EGR3: variants seen among roughly 807,000 people sequenced by gnomAD.
EGR3 encodes early growth response protein 3.
A neutral mutation model predicts 22.4 loss-of-function variants in EGR3; 4 were observed. The ratio of observed to expected loss-of-function variants is 0.18; its 90% CI spans 0.09 to 0.41. EGR3 has a LOEUF of 0.41. EGR3 is among the 10% of genes least tolerant of loss of function. The pLI is 1.00. For synonymous variants in EGR3, 219 were observed against 226.8 expected (o/e 0.97, Z 0.31); for missense variants, 315 against 541.3 (o/e 0.58, Z 4.15).
At position 22,692,258 on chromosome 8, in the gene EGR3, C is replaced by T. The variant is rs1282795859; in HGVS notation, c.154+533G>A. Reference sequence around the variant, plus strand: ...TCCTTCTCCCCGCCGTCCCCACACCCCCACGGCTTTGCTGAACGCCCCGGA... The same window carrying T: ...TCCTTCTCCCCGCCGTCCCCACACCTCCACGGCTTTGCTGAACGCCCCGGA... On this transcript the variant is annotated intron_variant, in intron 1 of 1. Transcript: ENST00000317216. The surrounding 1 kb of genome is among the most constrained non-coding windows in gnomAD (Gnocchi z 6.2). 6.6e-7 allele frequency: 1 copy of T among 1,504,894 alleles called. No individual in the cohort carries two copies. The highest frequency in any genetic ancestry group is 2.1e-5 in the Admixed American group (1 of 46,750). 93.2% of individuals were successfully genotyped at this position (1,504,894 alleles called of 1,614,324 possible). A position where few individuals can be genotyped will look rare whatever the true frequency, so the allele number is the denominator to read the frequency against.
Position 22,692,534 on chromosome 8 carries a change from A to C in EGR3, c.154+257T>G. On this transcript the variant is annotated intron_variant, in intron 1 of 1. Coordinates refer to ENST00000317216, the MANE Select transcript of EGR3 (RefSeq NM_004430.3). The surrounding 1 kb of genome is among the most constrained non-coding windows in gnomAD (Gnocchi z 6.2). ...TCGGCGGCTGCCCCCACCCGGGAGAACCGAAGCCTCTACCGTGGCGTCGCC... is the reference window on the plus strand; with the variant it reads ...TCGGCGGCTGCCCCCACCCGGGAGACCCGAAGCCTCTACCGTGGCGTCGCC... 1 of 1,411,460 alleles carries C rather than the reference A, an allele frequency of 7.1e-7. No individual in the cohort carries two copies. The highest frequency in any genetic ancestry group is 1.5e-5 in the South Asian group (1 of 66,014). The allele number at this position is 1,411,460 out of a possible 1,614,324, so 87.4% of individuals were successfully genotyped here.
rs1165101930 is a variant in EGR3, at chr8:22,690,346, G to A, written c.*127C>T. The stretch of plus-strand genomic sequence containing the variant: ...ACCGGGGGCATCGAAGGGGAAGCAA[G>A]GGGCCGCACGTCCATGGAGAGGCCA... On this transcript the variant is annotated 3_prime_UTR_variant, in exon 2 of 2. Coordinates refer to ENST00000317216, the MANE Select transcript of EGR3 (RefSeq NM_004430.3). 3 of 768,682 alleles carry A rather than the reference G, an allele frequency of 3.9e-6. No homozygotes were observed. The highest frequency in any genetic ancestry group is 1.8e-5 in the African/African-American group (1 of 57,010). 47.6% of individuals were successfully genotyped at this position (768,682 alleles called of 1,614,324 possible).
Position 22,692,112 on chromosome 8 carries a change from G to A in EGR3, c.155-630C>T. 7.3e-7 allele frequency: 1 copy of A among 1,365,604 alleles called. No homozygotes were observed. Among genetic ancestry groups the A allele is most frequent in the Non-Finnish European group, 9.4e-7 (1 of 1,063,872 alleles). 84.6% of individuals were successfully genotyped at this position (1,365,604 alleles called of 1,614,324 possible). A position where few individuals can be genotyped will look rare whatever the true frequency, so the allele number is the denominator to read the frequency against. ...GGGGAAAATCCTAGCCCCAGCTAGG[G>A]AGGGTGGAGAGCGGCGGAAAACCGG... On this transcript the variant is annotated intron_variant, in intron 1 of 1. Transcript: ENST00000317216. This position sits in a 1 kb window ranked among gnomAD's most constrained non-coding sequence, Gnocchi z 6.2.
rs1312463283 is a variant in EGR3 at position 22,690,971 on chromosome 8, C to T, written c.666G>A (p.Pro222=). 1 of 1,565,952 alleles carries T rather than the reference C, an allele frequency of 6.4e-7. No homozygotes were observed. Among genetic ancestry groups the T allele is most frequent in the Non-Finnish European group, 8.7e-7 (1 of 1,153,378 alleles). ...TGGTCTCCAGAGGGGTAATAGGGGG[C>T]GGGTTGACCCGGATGGGGTCCATGC... ...FQGMDPIRVN[P]PPITPLETIK... Residue 222 remains proline, a synonymous_variant, in exon 2 of 2, where the codon CCG becomes CCA. Coordinates refer to ENST00000317216, the MANE Select transcript of EGR3 (RefSeq NM_004430.3).
chr8:22,692,241 C>G lies in EGR3; in HGVS notation c.154+550G>C, dbSNP rs1016553219. ...CCCGCGGGTGAACCCCCTCCTTCTC[C>G]CCGCCGTCCCCACACCCCCACGGCT... On this transcript the variant is annotated intron_variant, in intron 1 of 1. Coordinates refer to ENST00000317216, the MANE Select transcript of EGR3 (RefSeq NM_004430.3). This position sits in a 1 kb window ranked among gnomAD's most constrained non-coding sequence, Gnocchi z 6.2. 1.8e-5 allele frequency: 27 copies of G among 1,469,976 alleles called. No homozygotes were observed. The highest frequency in any genetic ancestry group is 2.4e-5 in the Non-Finnish European group (27 of 1,116,904). The allele number at this position is 1,469,976 out of a possible 1,614,324, so 91.1% of individuals were successfully genotyped here.
In EGR3 at chr8:22,690,442, G is replaced by T; in HGVS notation, c.*31C>A. On this transcript the variant is annotated 3_prime_UTR_variant, in exon 2 of 2. Coordinates refer to ENST00000317216, the MANE Select transcript of EGR3 (RefSeq NM_004430.3). Reference sequence around the variant, plus strand: ...AGGCTAGCAGCCGGGAGGCACTGGAGGGGAAAAGTGGGGATCTGGGGGCCC... The same window carrying T: ...AGGCTAGCAGCCGGGAGGCACTGGATGGGAAAAGTGGGGATCTGGGGGCCC... 1.3e-6 allele frequency: 2 copies of T among 1,562,872 alleles called. No individual in the cohort carries two copies. The highest frequency in any genetic ancestry group is 1.2e-5 in the South Asian group (1 of 86,786).
Position 22,690,273 on chromosome 8 carries a change from C to A in EGR3, c.*200G>T. 3.4e-6 allele frequency: 2 copies of A among 580,862 alleles called. No homozygotes were observed. The highest frequency in any genetic ancestry group is 6.1e-6 in the Non-Finnish European group (2 of 330,542). The allele number at this position is 580,862 out of a possible 1,614,324, so 36.0% of individuals were successfully genotyped here. A position where few individuals can be genotyped will look rare whatever the true frequency, so the allele number is the denominator to read the frequency against. On this transcript the variant is annotated 3_prime_UTR_variant, in exon 2 of 2. Coordinates refer to ENST00000317216, the MANE Select transcript of EGR3 (RefSeq NM_004430.3). ...TAAGTGGGGGACCGCGAGGGGAAGG[C>A]GCCTCCAGCCCTGGCCCCTGACCGC... is the stretch of plus-strand genomic sequence containing the variant.
chr8:22,691,630 A>G (rs754059067), intron 1 of EGR3, 148 bp from the exon 2 acceptor site: 44 of 1,431,578 alleles, frequency 3.1e-5, no homozygotes, highest in Non-Finnish European at 4.0e-5. Flanking sequence ...CCCCGCGCAA[A>G]GCGGGCGGTG....
At chr8:22,691,651 G>T (rs1373156588) in intron 1 of EGR3, 169 bp from the exon 2 acceptor site, 32 of 972,386 alleles carry the variant, frequency 3.3e-5, no homozygotes, top group Non-Finnish European at 3.9e-5. Flanking sequence ...CCGCGCTCCC[G>T]GGCGCAACCT....
In EGR3 at chr8:22,691,302, C is replaced by A; in HGVS notation, c.335G>T (p.Gly112Val). 1 of 1,614,052 alleles carries A rather than the reference C, an allele frequency of 6.2e-7. No homozygotes were observed. The highest frequency in any genetic ancestry group is 8.5e-7 in the Non-Finnish European group (1 of 1,180,024). The change falls in exon 2 of 2, where the codon GGG (glycine) becomes GTG (valine). Residue 112 changes from glycine to valine, a missense_variant. By Grantham distance (109) the Gly-to-Val change is moderately radical (BLOSUM62 -3). Coordinates refer to ENST00000317216, the MANE Select transcript of EGR3 (RefSeq NM_004430.3). Reference sequence around the variant, plus strand: ...GAGCGCCCCTGAAGCCGGGGGCACCCCCAAGATGCCGGCGCTCATGAGGCT... The same window carrying A: ...GAGCGCCCCTGAAGCCGGGGGCACCACCAAGATGCCGGCGCTCATGAGGCT... ...IISLMSAGIL[G>V]VPPASGALST...
Position 22,688,328 on chromosome 8 carries a change from T to G in EGR3, c.*2145A>C, listed in dbSNP as rs1404986548. ...AGGGTATCTGATTCCTCCTTCTAGC[T>G]TGGAAGTGACCAAAATTTTTGCTTT... is the stretch of plus-strand genomic sequence containing the variant. On this transcript the variant is annotated 3_prime_UTR_variant, in exon 2 of 2. Transcript: ENST00000317216. 2 of 152,662 alleles carry G rather than the reference T, an allele frequency of 1.3e-5. No homozygotes were observed. The highest frequency in any genetic ancestry group is 4.8e-5 in the African/African-American group (2 of 41,466). The allele number at this position is 152,662 out of a possible 1,614,324, so 9.5% of individuals were successfully genotyped here.
chr8:22,691,742 CCA>C (rs917631224), intron 1 of EGR3: 8 of 985,334 alleles, frequency 8.1e-6, no homozygotes, highest in Non-Finnish European at 9.6e-6. Context: ...CACTCACGTA[CCA>C]CACACACACG....
Position 22,691,087 on chromosome 8 carries a change from C to G in EGR3, c.550G>C (p.Asp184His), listed in dbSNP as rs2128744928. 1 of 1,613,788 alleles carries G rather than the reference C, an allele frequency of 6.2e-7. No homozygotes were observed. The change falls in exon 2 of 2, where the codon GAC (aspartate) becomes CAC (histidine). Residue 184 changes from aspartate (D) to histidine (H), a missense_variant. This residue lies in a region of EGR3 where 227 missense variants were observed against 303.6 expected (regional missense o/e 0.75). Transcript: ENST00000317216. The stretch of plus-strand genomic sequence containing the variant: ...GGAATCATGGGGAAGAGATTGCTGT[C>G]CAACGCCGGCTTGGCCGATTGGTAA... ...QDYQSAKPALDSNLFPMIPDY... is the reference protein window; with the variant it reads ...QDYQSAKPALHSNLFPMIPDY...
Position 22,690,556 on chromosome 8 carries a change from TCTC to T in EGR3, c.1078_1080del (p.Glu360del). On this transcript the variant is annotated inframe_deletion, in exon 2 of 2. Coordinates refer to ENST00000317216, the MANE Select transcript of EGR3 (RefSeq NM_004430.3). The stretch of plus-strand genomic sequence containing the variant: ...GGTGCACCGCCCTTCTCCGCCTTCT[TCTC>T]CTTTTGCTTGAGGTGGATCTTGGCG... 2 of 1,613,844 alleles carry T rather than the reference TCTC, an allele frequency of 1.2e-6. No individual in the cohort carries two copies. The highest frequency in any genetic ancestry group is 8.5e-7 in the Non-Finnish European group (1 of 1,179,968).
Position 22,692,687 on chromosome 8 carries a change from A to G in EGR3, c.154+104T>C. 1 of 1,441,026 alleles carries G rather than the reference A, an allele frequency of 6.9e-7. No individual in the cohort carries two copies. Among genetic ancestry groups the G allele is most frequent in the Non-Finnish European group, 9.4e-7 (1 of 1,062,134 alleles). The allele number at this position is 1,441,026 out of a possible 1,614,324, so 89.3% of individuals were successfully genotyped here. On this transcript the variant is annotated intron_variant, in intron 1 of 1. Coordinates refer to ENST00000317216, the MANE Select transcript of EGR3 (RefSeq NM_004430.3). The surrounding 1 kb of genome is among the most constrained non-coding windows in gnomAD (Gnocchi z 6.2). ...TATCCACCCATCCACCCATCCATCC[A>G]TCCATCCATCCATCCATCCATCCAT... is the stretch of plus-strand genomic sequence containing the variant.
Position 22,693,387 on chromosome 8 carries a change from CGCCGCCGCCGCCTCTGCCGCCGCT to C in EGR3, c.-467_-444del. On this transcript the variant is annotated 5_prime_UTR_variant, in exon 1 of 2. Transcript: ENST00000317216. ...CCGCCACCGCCGCCGCCGCCGCCGC[CGCCGCCGCCGCCTCTGCCGCCGCT>C]GCCGCCGCTGCTACCACCACCACCA... is the stretch of plus-strand genomic sequence containing the variant. 1 of 168,772 alleles carries C rather than the reference CGCCGCCGCCGCCTCTGCCGCCGCT, an allele frequency of 5.9e-6. No individual in the cohort carries two copies. Among genetic ancestry groups the C allele is most frequent in the Non-Finnish European group, 1.2e-5 (1 of 82,428 alleles). The allele number at this position is 168,772 out of a possible 1,614,324, so 10.5% of individuals were successfully genotyped here.
chr8:22,692,583 G>C lies in EGR3; in HGVS notation c.154+208C>G. ...CCAACCTAGCCTTCTCGATCGAGGA[G>C]GGCGGGAGGAGTGGGTGGGAAAAGC... On this transcript the variant is annotated intron_variant, in intron 1 of 1. Transcript: ENST00000317216. This position sits in a 1 kb window ranked among gnomAD's most constrained non-coding sequence, Gnocchi z 6.2. The C allele has an allele frequency of 1.4e-6, 2 of 1,440,422 alleles. No individual in the cohort carries two copies. Among genetic ancestry groups the C allele is most frequent in the Non-Finnish European group, 1.8e-6 (2 of 1,098,772 alleles). The allele number at this position is 1,440,422 out of a possible 1,614,324, so 89.2% of individuals were successfully genotyped here.
rs1269914492 is a variant in EGR3 at position 22,690,502 on chromosome 8, G to A, written c.1135C>T (p.Leu379=). Residue 379 remains leucine (L), a synonymous_variant, in exon 2 of 2, where the codon CTG becomes TTG. Coordinates refer to ENST00000317216, the MANE Select transcript of EGR3 (RefSeq NM_004430.3). ...PSASSAPPVS[L]APVVTTCA is the part of the protein sequence containing the mutation. ...GCGCAGGTGGTGACCACGGGGGCCAGCGACACGGGGGGCGCCGAGGATGCA... is the reference window on the plus strand; with the variant it reads ...GCGCAGGTGGTGACCACGGGGGCCAACGACACGGGGGGCGCCGAGGATGCA... 6.2e-7 allele frequency: 1 copy of A among 1,608,990 alleles called. No homozygotes were observed. The highest frequency in any genetic ancestry group is 8.5e-7 in the Non-Finnish European group (1 of 1,177,234).
rs1207259445 is a variant in EGR3, at chr8:22,690,463, G to C, written c.*10C>G. 6.3e-7 allele frequency: 1 copy of C among 1,587,970 alleles called. No homozygotes were observed. Among genetic ancestry groups the C allele is most frequent in the Non-Finnish European group, 8.6e-7 (1 of 1,164,392 alleles). Reference sequence around the variant, plus strand: ...TGGAGGGGAAAAGTGGGGATCTGGGGGCCCGATCCTCAGGCGCAGGTGGTG... The same window carrying C: ...TGGAGGGGAAAAGTGGGGATCTGGGCGCCCGATCCTCAGGCGCAGGTGGTG... On this transcript the variant is annotated 3_prime_UTR_variant, in exon 2 of 2. Transcript: ENST00000317216.
Sources: allele counts gnomAD v4.1 joint callset, GRCh38; gene constraint gnomAD v4.1.1; regional missense constraint gnomAD v4.1.1; non-coding constraint Gnocchi (gnomAD v3.1); transcripts MANE v1.5; gene names NCBI Gene and HGNC (gene_info 2026-07-23, HGNC 2026-07-21).